Variants in TSPAN9 observed in about 807,000 individuals in gnomAD.
TSPAN9 encodes the protein tetraspanin-9.
A neutral mutation model predicts 31.0 loss-of-function variants in TSPAN9; 16 were observed. The ratio of observed to expected loss-of-function variants is 0.52; its 90% CI spans 0.35 to 0.78. The LOEUF (loss-of-function observed/expected upper bound fraction) is 0.78, where lower values mean the gene tolerates loss of function less well. Ranked by LOEUF, TSPAN9 falls within the 30% of genes least tolerant of loss-of-function variation. TSPAN9 has a pLI of 0.01. For synonymous variants in TSPAN9, 145 were observed against 121.6 expected, an observed-to-expected ratio of 1.19 and a Z score of -1.27; for missense variants, 272 against 312.5, an observed-to-expected ratio of 0.87 and a Z score of 0.98.
At chr12:3,278,271 G>T in intron 3 of TSPAN9, 150 bp from the exon 4 acceptor site, 2 of 1,078,018 alleles carry the variant, frequency 1.9e-6, no homozygotes, top group Non-Finnish European at 2.7e-6. Flanking sequence ...ACATGCTTCG[G>T]GTCTGCAGCC....
intron 2 of TSPAN9, among the ~76,000 whole-genome samples, chr12:3,115,118 T>A (rs1235173896): frequency 2.0e-5 from 3 of 149,106 alleles, no homozygotes; most frequent in Non-Finnish European, 4.5e-5. Flanking sequence ...ACCATTAATG[T>A]ATCTTTTGTC....
rs1352701783 is a variant in TSPAN9 at position 3,147,790 on chromosome 12, A to G, written c.-17-53387A>G. 3.3e-5 allele frequency among the ~76,000 whole-genome samples: 5 copies of G among 152,170 alleles called. No homozygotes were observed. Among genetic ancestry groups the G allele is most frequent in the Admixed American group, 3.3e-4 (5 of 15,280 alleles). ...GTACTGTTCTAGACCAGTAGTTTTC[A>G]CCTGCAGTGTTGGCTCACACTGGTG... is the stretch of plus-strand genomic sequence containing the variant. On this transcript the variant is annotated intron_variant, in intron 2 of 8. Transcript: ENST00000011898. The surrounding 1 kb of genome is among the most constrained non-coding windows in gnomAD (Gnocchi z 4.3).
At chr12:3,122,044 GAGAT>G (rs1470681004) in intron 2 of TSPAN9, among the ~76,000 whole-genome samples, 1 of 152,002 alleles carries the variant, frequency 6.6e-6, no homozygotes, top group Admixed American at 6.6e-5. Flanking sequence ...GTCTTAAAAA[GAGAT>G]AGAGTTGGCC....
chr12:3,235,846 A>T (rs540293123), intron 3 of TSPAN9, among the ~76,000 whole-genome samples: 163 of 152,270 alleles, frequency 1.1e-3, no homozygotes, highest in South Asian at 1.7e-3. Flanking sequence ...TGCCAATATG[A>T]TTAGCTCTGG....
chr12:3,231,332 A>G (rs1357868982), intron 3 of TSPAN9, among the ~76,000 whole-genome samples: 1 of 152,150 alleles, frequency 6.6e-6, no homozygotes, highest in Non-Finnish European at 1.5e-5. Flanking sequence ...CTTGAGCCCT[A>G]GGATACCTCT....
chr12:3,243,886 C>G (rs2098397944), intron 3 of TSPAN9, among the ~76,000 whole-genome samples: 8 of 152,210 alleles, frequency 5.3e-5, no homozygotes. Context: ...TCTTATTGTA[C>G]TACCCCCTGC....
chr12:3,103,364 T>C (rs888663816), intron 2 of TSPAN9, among the ~76,000 whole-genome samples: 2 of 152,250 alleles, frequency 1.3e-5, no homozygotes, highest in Non-Finnish European at 2.9e-5. Flanking sequence ...TGGTTATCTT[T>C]CCATTCCTCA....
intron 2 of TSPAN9, among the ~76,000 whole-genome samples, chr12:3,096,022 G>A (rs1445150878): frequency 1.6e-5 from 2 of 126,436 alleles, no homozygotes; most frequent in Admixed American, 7.4e-5. Flanking sequence ...GGGCCTGTCC[G>A]CTCCTCCAGC....
At chr12:3,222,671 C>T (rs1264207244) in intron 3 of TSPAN9, among the ~76,000 whole-genome samples, 1 of 152,172 alleles carries the variant, frequency 6.6e-6, no homozygotes, top group Non-Finnish European at 1.5e-5. Context: ...CACATTCCTG[C>T]CAAGAGCATA....
intron 2 of TSPAN9, among the ~76,000 whole-genome samples, chr12:3,198,415 A>G (rs1356297384): frequency 8.6e-5 from 8 of 92,676 alleles, no homozygotes; most frequent in Admixed American, 2.3e-4. Context: ...CACAGGTCAC[A>G]CCAGCACAGC....
Position 3,109,299 on chromosome 12 carries a change from T to TGAGAGAGAGAGA in TSPAN9, c.-18+25589_-18+25590insAGAGAGAGAGAG, listed in dbSNP as rs150191079. ...GTGTGTGTGTGTGTGTGTGTGTGTG[T>TGAGAGAGAGAGA]GAGAGAGAGTGTGTGTGTGTGTGTG... On this transcript the variant is annotated intron_variant, in intron 2 of 8. Coordinates refer to ENST00000011898, the MANE Select transcript of TSPAN9 (RefSeq NM_006675.5). Among the ~76,000 whole-genome samples, 1,046 of 118,240 alleles carry TGAGAGAGAGAGA rather than the reference T, an allele frequency of 8.8e-3. 5 individuals carry two copies. Among genetic ancestry groups the TGAGAGAGAGAGA allele is most frequent in the Middle Eastern group, 0.019 (5 of 262 alleles). The allele number at this position is 118,240 out of a possible 152,430, so 77.6% of individuals were successfully genotyped here. A position where few individuals can be genotyped will look rare whatever the true frequency, so the allele number is the denominator to read the frequency against.
intron 2 of TSPAN9, chr12:3,083,967 C>A (rs968265292): frequency 3.3e-5 from 5 of 152,166 alleles, no homozygotes; most frequent in African/African-American, 1.2e-4. Flanking sequence ...GCTGATGGTA[C>A]TCTTAGATTC....
At chr12:3,099,798 A>C (rs2098310930) in intron 2 of TSPAN9, among the ~76,000 whole-genome samples, 1 of 150,176 alleles carries the variant, frequency 6.7e-6, no homozygotes, top group Admixed American at 6.6e-5. Flanking sequence ...CACCCTTCAG[A>C]GGATTCTACC....
chr12:3,235,180 C>G (rs1199500599), intron 3 of TSPAN9, among the ~76,000 whole-genome samples: 1 of 36,390 alleles, frequency 2.7e-5, no homozygotes, highest in Non-Finnish European at 4.6e-5. Flanking sequence ...GAGACTCCGT[C>G]TCAAAAAAAA....
Position 3,283,111 on chromosome 12 carries a change from G to T in TSPAN9, c.715G>T (p.Ala239Ser), listed in dbSNP as rs147562233. Residue 239 changes from alanine (A) to serine (S), a missense_variant, in exon 9 of 9, where the codon GCA (alanine) becomes TCA (serine). Ala to Ser is a moderately conservative substitution (Grantham distance 99). Transcript: ENST00000011898. ...CCACCGGACTGGTAAGAAGTACGACGCATGAGCGGGCTGGCCGGGAGTGCC... is the reference window on the plus strand; with the variant it reads ...CCACCGGACTGGTAAGAAGTACGACTCATGAGCGGGCTGGCCGGGAGTGCC... ...HIHRTGKKYD[A>S] 4.6e-4 allele frequency: 740 copies of T among 1,608,330 alleles called. 1 individual carries two copies. Among genetic ancestry groups the T allele is most frequent in the Admixed American group, 8.3e-4 (50 of 60,014 alleles).
intron 3 of TSPAN9, among the ~76,000 whole-genome samples, chr12:3,260,415 G>T (rs947654552): frequency 6.6e-6 from 1 of 152,178 alleles, no homozygotes; most frequent in Admixed American, 6.5e-5. Flanking sequence ...TAGGGATGGG[G>T]CTTGACCCTT....
At chr12:3,105,913 G>T (rs2098314401) in intron 2 of TSPAN9, among the ~76,000 whole-genome samples, 1 of 151,520 alleles carries the variant, frequency 6.6e-6, no homozygotes, top group Non-Finnish European at 1.5e-5. Context: ...CATGTTCTCA[G>T]GTGTGCTTGG....
In TSPAN9 at chr12:3,244,817, G is replaced by A. The variant is rs574628793; in HGVS notation, c.64-33604G>A. Among the ~76,000 whole-genome samples the A allele has an allele frequency of 6.6e-5, 10 of 152,238 alleles. No individual in the cohort carries two copies. The South Asian group carries it at 1.5e-3, about 22-fold the overall frequency. On this transcript the variant is annotated intron_variant, in intron 3 of 8. Coordinates refer to ENST00000011898, the MANE Select transcript of TSPAN9 (RefSeq NM_006675.5). Reference sequence around the variant, plus strand: ...AGGCTTGCCTGCCCCAGCCAGGTTCGGTGGAGTCGGGAGCCTCGAGGGTTT... The same window carrying A: ...AGGCTTGCCTGCCCCAGCCAGGTTCAGTGGAGTCGGGAGCCTCGAGGGTTT...
At chr12:3,110,419 C>T (rs566433225) in intron 2 of TSPAN9, among the ~76,000 whole-genome samples, 3 of 152,162 alleles carry the variant, frequency 2.0e-5, no homozygotes, top group Non-Finnish European at 4.4e-5. Context: ...TCTCTTTTCT[C>T]TTGATTTAGT....
Sources: gnomAD v4.1 joint callset for allele counts (sites outside exome capture counted in the v4.1 genomes callset) on GRCh38, gnomAD v4.1.1 for gene constraint, Gnocchi (gnomAD v3.1) non-coding constraint, MANE v1.5 for transcripts, NCBI Gene and HGNC (gene_info 2026-07-23, HGNC 2026-07-21) for gene names.